The following CLYBL variants were observed in gnomAD, a reference collection of about 807,000 sequenced individuals.
CLYBL encodes the protein citramalyl-CoA lyase, mitochondrial.
Under a neutral mutation model 38.9 loss-of-function variants are expected in CLYBL, and 31 were observed. That is an observed-to-expected ratio of 0.80 (90% CI 0.60 to 1.08). The LOEUF (loss-of-function observed/expected upper bound fraction) is 1.08. Ranked by LOEUF, CLYBL falls within the 50% of genes least tolerant of loss-of-function variation. The pLI, the probability that CLYBL is intolerant of heterozygous loss-of-function variation, is 0.00. For missense variants in CLYBL, 434 were observed against 411.6 expected, an observed-to-expected ratio of 1.05 and a Z score of -0.47; for synonymous variants, 171 against 158.6, an observed-to-expected ratio of 1.08 and a Z score of -0.59.
chr13:99,824,257 G>GCCCCCCCCCC, intron 2 of CLYBL, among the ~76,000 whole-genome samples: 500 of 130,452 alleles, frequency 3.8e-3, no homozygotes, highest in Non-Finnish European at 5.2e-3. Context: ...CTGACTAATA[G>GCCCCCCCCCC]CCCCCCCCAC....
intron 1 of CLYBL, among the ~76,000 whole-genome samples, chr13:99,635,844 A>G (rs2047010932): frequency 6.6e-6 from 1 of 152,204 alleles, no homozygotes; most frequent in Non-Finnish European, 1.5e-5. Flanking sequence ...TGACAATACT[A>G]CTGCTTACTT....
Position 99,776,057 on chromosome 13 carries a change from G to A in CLYBL, c.249+3047G>A, listed in dbSNP as rs188426985. 8.2e-3 allele frequency among the ~76,000 whole-genome samples: 1,238 copies of A among 151,756 alleles called. 22 individuals carry two copies. Among genetic ancestry groups the A allele is most frequent in the African/African-American group, 0.028 (1,168 of 41,402 alleles). ...CGGGCGCCTGCAGTCCCAGCTACTC[G>A]GGAGGCTGAGGCAGGAGAATGGTGT... On this transcript the variant is annotated intron_variant, in intron 2 of 8. Coordinates refer to ENST00000339105, the MANE Select transcript of CLYBL (RefSeq NM_206808.5).
At chr13:99,874,520 G>T (rs1433401757) in intron 7 of CLYBL, among the ~76,000 whole-genome samples, 1 of 151,800 alleles carries the variant, frequency 6.6e-6, no homozygotes, top group African/African-American at 2.4e-5. Context: ...GCTTATTAAA[G>T]TAATAGGATT....
intron 9 of CLYBL, among the ~76,000 whole-genome samples, chr13:99,905,973 C>T (rs529102240): frequency 1.2e-4 from 18 of 152,106 alleles, no homozygotes; most frequent in Non-Finnish European, 2.4e-4. Flanking sequence ...GGGGTCTCAC[C>T]ATGTTGCCCA....
At chr13:99,820,638 G>A (rs547225824) in intron 2 of CLYBL, among the ~76,000 whole-genome samples, 26 of 152,230 alleles carry the variant, frequency 1.7e-4, no homozygotes, top group Admixed American at 3.3e-4. Flanking sequence ...CATTCTCACC[G>A]TTGGAGTAGT....
At chr13:99,669,525 G>T (rs1013738363) in intron 1 of CLYBL, among the ~76,000 whole-genome samples, 3 of 152,168 alleles carry the variant, frequency 2.0e-5, no homozygotes, top group Admixed American at 6.5e-5. Context: ...AAGAACCTTA[G>T]CTTTTCCCAA....
intron 5 of CLYBL, 88 bp downstream of exon 5, chr13:99,864,999 A>G (rs2051706788): frequency 1.1e-6 from 1 of 923,606 alleles, no homozygotes; most frequent in Admixed American, 1.8e-5. Flanking sequence ...AAGGATGGAC[A>G]TTTACATAAC....
chr13:99,870,534 A>G (rs910521902), intron 6 of CLYBL, among the ~76,000 whole-genome samples: 1 of 152,224 alleles, frequency 6.6e-6, no homozygotes, highest in Non-Finnish European at 1.5e-5. Flanking sequence ...ACCTTATAAA[A>G]TTTGAGAGAA....
chr13:99,792,426 G>C (rs976269481), intron 2 of CLYBL, among the ~76,000 whole-genome samples: 1 of 152,144 alleles, frequency 6.6e-6, no homozygotes. Flanking sequence ...CAGAGCAGCC[G>C]CTCTCTTCTC....
intron 2 of CLYBL, among the ~76,000 whole-genome samples, chr13:99,793,292 G>T (rs771468037): frequency 2.2e-4 from 33 of 152,244 alleles, no homozygotes; most frequent in African/African-American, 7.9e-4. Context: ...TTCAATAGGG[G>T]TGTGAAATTA....
At chr13:99,842,046 G>A (rs527802275) in intron 2 of CLYBL, among the ~76,000 whole-genome samples, 3 of 152,020 alleles carry the variant, frequency 2.0e-5, no homozygotes, top group Non-Finnish European at 4.4e-5. Flanking sequence ...TCCAATTCCT[G>A]ACCTCAGGTG....
At chr13:99,720,798 T>C (rs1391437605) in intron 1 of CLYBL, among the ~76,000 whole-genome samples, 3 of 152,346 alleles carry the variant, frequency 2.0e-5, no homozygotes, top group African/African-American at 4.8e-5. Flanking sequence ...TTCACTATTA[T>C]GTGTTAGGTG....
At chr13:99,689,996 G>A (rs2047875960) in intron 1 of CLYBL, 1 of 152,230 alleles carries the variant, frequency 6.6e-6, no homozygotes, top group South Asian at 2.1e-4. Flanking sequence ...CATCCTCTGA[G>A]CAGTAAATTG....
chr13:99,678,305 A>G (rs915948802), intron 1 of CLYBL, among the ~76,000 whole-genome samples: 1 of 152,206 alleles, frequency 6.6e-6, no homozygotes, highest in Non-Finnish European at 1.5e-5. Context: ...CATGTATCAG[A>G]CAGTCTCTGA....
chr13:99,738,697 T>G (rs565250635), intron 1 of CLYBL, among the ~76,000 whole-genome samples: 22 of 152,114 alleles, frequency 1.4e-4, no homozygotes, highest in African/African-American at 4.8e-4. Flanking sequence ...CCCGAAAACT[T>G]AGGTATTCAA....
At chr13:99,881,921 T>G (rs113850727) in intron 7 of CLYBL, among the ~76,000 whole-genome samples, 3,638 of 152,268 alleles carry the variant, frequency 0.024, 162 homozygotes, top group African/African-American at 0.083. Context: ...GTAAGAACTT[T>G]CAAATGGAAG....
rs554191533 is a variant in CLYBL, at chr13:99,629,917, G to A, written c.62+23160G>A. ...GTTCTAGCGCCTCTCCTTGGAGATG[G>A]TATTTACTGGTTTGAGGGTGACCTC... On this transcript the variant is annotated intron_variant, in intron 1 of 8. Transcript: ENST00000339105. 7.2e-5 allele frequency among the ~76,000 whole-genome samples: 11 copies of A among 152,302 alleles called. 1 individual carries two copies. The South Asian group carries it at 1.7e-3, about 23-fold the overall frequency.
chr13:99,658,249 G>A (rs2047357724), intron 1 of CLYBL, among the ~76,000 whole-genome samples: 1 of 152,228 alleles, frequency 6.6e-6, no homozygotes, highest in Non-Finnish European at 1.5e-5. Context: ...AGCTTCATCC[G>A]CAGGCCCACT....
At chr13:99,786,048 A>G (rs1239329706) in intron 2 of CLYBL, among the ~76,000 whole-genome samples, 1 of 151,942 alleles carries the variant, frequency 6.6e-6, no homozygotes, top group Admixed American at 6.6e-5. Flanking sequence ...ATACAATTAT[A>G]TTTTAACTTT....
Sources: gnomAD v4.1 joint callset for allele counts (sites outside exome capture counted in the v4.1 genomes callset) on GRCh38, gnomAD v4.1.1 for gene constraint, MANE v1.5 for transcripts, NCBI Gene and HGNC (gene_info 2026-07-23, HGNC 2026-07-21) for gene names.